The following CYSLTR2 variants were observed in gnomAD, a reference collection of about 807,000 sequenced individuals.
The protein encoded by CYSLTR2 is cysteinyl leukotriene receptor 2.
For synonymous variants in CYSLTR2, 179 were observed against 160.8 expected (o/e 1.11, Z -0.86); for missense variants, 398 against 411.9 (o/e 0.97, Z 0.29).
intron 4 of CYSLTR2, among the ~76,000 whole-genome samples, chr13:48,699,861 C>A (rs1954293978): frequency 6.6e-6 from 1 of 152,158 alleles, no homozygotes; most frequent in Non-Finnish European, 1.5e-5. Context: ...AACAGAAATA[C>A]AAACTACCAT....
Position 48,699,949 on chromosome 13 carries a change from C to A in CYSLTR2, c.-2+3323C>A, listed in dbSNP as rs563047497. On this transcript the variant is annotated intron_variant, in intron 4 of 4. Transcript: ENST00000682523. ...ATGGATAAATTCCTGGACACATATA[C>A]CCTCCCAAGACTAAATCAGAAAGAA... Among the ~76,000 whole-genome samples the A allele has an allele frequency of 3.3e-5, 5 of 152,238 alleles. 1 individual carries two copies. Among genetic ancestry groups the A allele is most frequent in the East Asian group, 1.9e-4 (1 of 5,178 alleles).
chr13:48,658,754 G>T (rs1255051703), intron 1 of CYSLTR2, among the ~76,000 whole-genome samples: 2 of 152,196 alleles, frequency 1.3e-5, no homozygotes, highest in African/African-American at 2.4e-5. Flanking sequence ...AGTGTTGGGG[G>T]TTTTGAAATA....
intron 1 of CYSLTR2, among the ~76,000 whole-genome samples, chr13:48,660,673 C>A (rs188382811): frequency 1.3e-5 from 2 of 152,224 alleles, no homozygotes; most frequent in Admixed American, 1.3e-4. Flanking sequence ...GAACTTAATT[C>A]ACCTTGACTT....
At chr13:48,677,490 T>C (rs183977751) in intron 1 of CYSLTR2, among the ~76,000 whole-genome samples, 31 of 152,044 alleles carry the variant, frequency 2.0e-4, no homozygotes, top group African/African-American at 7.5e-4. Flanking sequence ...AGCTACAGAG[T>C]GGGAAGGTTG....
rs142440059 is a variant in CYSLTR2 at position 48,669,881 on chromosome 13, T to A, written c.-266+15864T>A. Among the ~76,000 whole-genome samples the A allele has an allele frequency of 7.8e-3, 1,187 of 152,334 alleles. 15 individuals are homozygous for A. The highest frequency in any genetic ancestry group is 0.026 in the African/African-American group (1,098 of 41,576). ...GTCTTCCACAATGGTTGAACTAATT[T>A]ACACTCCCACCAACAGTGTAAAAGC... On this transcript the variant is annotated intron_variant, in intron 1 of 4. Coordinates refer to ENST00000682523, the MANE Select transcript of CYSLTR2 (RefSeq NM_001308476.3).
chr13:48,707,952 A>G lies in CYSLTR2; in HGVS notation c.*94A>G. 2.9e-6 allele frequency: 3 copies of G among 1,033,818 alleles called. No homozygotes were observed. The highest frequency in any genetic ancestry group is 4.0e-6 in the Non-Finnish European group (3 of 746,394). 64.0% of individuals were successfully genotyped at this position (1,033,818 alleles called of 1,614,324 possible). ...ACTTTGTATTTACATCACTCCCAAC[A>G]AATGTTGATTCTTAATATTTAGTTG... On this transcript the variant is annotated 3_prime_UTR_variant, in exon 5 of 5. Coordinates refer to ENST00000682523, the MANE Select transcript of CYSLTR2 (RefSeq NM_001308476.3).
intron 1 of CYSLTR2, among the ~76,000 whole-genome samples, chr13:48,681,471 A>C (rs752660907): frequency 3.3e-5 from 5 of 152,140 alleles, no homozygotes; most frequent in Non-Finnish European, 5.9e-5. Flanking sequence ...GTGGCCTGGT[A>C]GTAAGTGCCT....
intron 4 of CYSLTR2, among the ~76,000 whole-genome samples, chr13:48,697,089 C>A (rs1954211085): frequency 6.6e-6 from 1 of 152,182 alleles, no homozygotes; most frequent in African/African-American, 2.4e-5. Flanking sequence ...GGGGGCAGGG[C>A]ATAGCTGAAC....
At position 48,710,991 on chromosome 13, in the gene CYSLTR2, CATA is replaced by C. The variant is rs1389704576; in HGVS notation, c.*3138_*3140del. ...TTGCCATATTCTATCACAGAAAATG[CATA>C]ATAACTAAATCTGGAAAATGATGAA... On this transcript the variant is annotated 3_prime_UTR_variant, in exon 5 of 5. Coordinates refer to ENST00000682523, the MANE Select transcript of CYSLTR2 (RefSeq NM_001308476.3). The C allele has an allele frequency of 6.6e-6, 1 of 152,020 alleles. No individual in the cohort carries two copies. Among genetic ancestry groups the C allele is most frequent in the Non-Finnish European group, 1.5e-5 (1 of 67,980 alleles). The allele number at this position is 152,020 out of a possible 1,614,324, so 9.4% of individuals were successfully genotyped here.
chr13:48,702,929 G>C (rs1954387880), intron 4 of CYSLTR2, among the ~76,000 whole-genome samples: 1 of 152,070 alleles, frequency 6.6e-6, no homozygotes, highest in Non-Finnish European at 1.5e-5. Flanking sequence ...GACATGGCAT[G>C]TTTCTCCATT....
intron 4 of CYSLTR2, among the ~76,000 whole-genome samples, chr13:48,705,319 T>C (rs1594028693): frequency 1.3e-5 from 2 of 152,322 alleles, no homozygotes; most frequent in South Asian, 4.1e-4. Flanking sequence ...TTTGAAGTGT[T>C]TGTTATAGGC....
intron 1 of CYSLTR2, among the ~76,000 whole-genome samples, chr13:48,674,482 G>A (rs1349637191): frequency 6.6e-6 from 1 of 152,124 alleles, no homozygotes; most frequent in Admixed American, 6.5e-5. Context: ...GGTCTTTTAT[G>A]TTCTGCTCTA....
intron 1 of CYSLTR2, among the ~76,000 whole-genome samples, chr13:48,683,500 T>C (rs570601398): frequency 6.6e-6 from 1 of 152,358 alleles, no homozygotes; most frequent in South Asian, 2.1e-4. Flanking sequence ...AGCTTTTTTT[T>C]CATATGTTTA....
intron 1 of CYSLTR2, among the ~76,000 whole-genome samples, chr13:48,673,601 T>TG (rs1566087513): frequency 6.6e-6 from 1 of 152,266 alleles, no homozygotes; most frequent in South Asian, 2.1e-4. Context: ...GTCTTTTAAT[T>TG]GGGGCATTTA....
At chr13:48,674,878 C>T (rs1017406098) in intron 1 of CYSLTR2, among the ~76,000 whole-genome samples, 2 of 152,312 alleles carry the variant, frequency 1.3e-5, no homozygotes, top group South Asian at 4.1e-4. Flanking sequence ...AACAGTCAGG[C>T]CTGTCTTCTG....
At chr13:48,684,917 G>A (rs1953858334) in intron 1 of CYSLTR2, among the ~76,000 whole-genome samples, 2 of 152,202 alleles carry the variant, frequency 1.3e-5, no homozygotes, top group African/African-American at 4.8e-5. Context: ...AGAGATTGGA[G>A]TCACATTCTG....
At chr13:48,665,560 A>T (rs1953241039) in intron 1 of CYSLTR2, among the ~76,000 whole-genome samples, 1 of 152,022 alleles carries the variant, frequency 6.6e-6, no homozygotes, top group Non-Finnish European at 1.5e-5. Context: ...TTATTATATA[A>T]TGTCCTTCTT....
intron 1 of CYSLTR2, among the ~76,000 whole-genome samples, chr13:48,657,328 A>G (rs1202975289): frequency 6.6e-6 from 1 of 152,188 alleles, no homozygotes; most frequent in African/African-American, 2.4e-5. Flanking sequence ...GGGTCTAAGC[A>G]GTGAGTTGGA....
chr13:48,688,905 C>T (rs9595966), intron 1 of CYSLTR2, among the ~76,000 whole-genome samples: 56,208 of 152,032 alleles, frequency 0.37, 11,528 homozygotes, highest in South Asian at 0.49. Flanking sequence ...TTCTCCACAT[C>T]CTCTCCAGCA....
Sources: gnomAD v4.1 joint callset for allele counts (sites outside exome capture counted in the v4.1 genomes callset) on GRCh38, gnomAD v4.1.1 for gene constraint, MANE v1.5 for transcripts, NCBI Gene and HGNC (gene_info 2026-07-23, HGNC 2026-07-21) for gene names.